TBCD: variants seen among roughly 807,000 people sequenced by gnomAD.
TBCD encodes tubulin-specific chaperone D.
A neutral mutation model predicts 169.3 loss-of-function variants in TBCD; 105 were observed. The observed-to-expected ratio is 0.62, with a 90% CI of 0.53 to 0.73. TBCD has a LOEUF of 0.73. Among genes scored for constraint, TBCD ranks in the 30% least tolerant of loss-of-function variants. The pLI is 0.00. For missense variants in TBCD, 1,444 were observed against 1,600.1 expected (o/e 0.90, Z 1.66); for synonymous variants, 700 against 643.9 (o/e 1.09, Z -1.32).
chr17:82,831,957 G>C lies in TBCD; in HGVS notation c.1318+17023G>C. 1 of 1,613,952 alleles carries C rather than the reference G, an allele frequency of 6.2e-7. No individual in the cohort carries two copies. The highest frequency in any genetic ancestry group is 8.5e-7 in the Non-Finnish European group (1 of 1,179,894). On this transcript the variant is annotated intron_variant, in intron 13 of 38. Transcript: ENST00000355528. The surrounding 1 kb of genome is among the most constrained non-coding windows in gnomAD (Gnocchi z 4.6). ...TGTCTGGCCCCTTGAGTCTGTGCTC[G>C]CCGACTGGAACAAATGCAGAAGGCC... is the stretch of plus-strand genomic sequence containing the variant.
chr17:82,888,513 T>C (rs908988871), intron 15 of TBCD, among the ~76,000 whole-genome samples: 38 of 152,270 alleles, frequency 2.5e-4, no homozygotes, highest in African/African-American at 8.9e-4. Flanking sequence ...ACTTTCCTAA[T>C]GAATTTATCA....
At position 82,832,462 on chromosome 17, in the gene TBCD, C is replaced by T; in HGVS notation, c.1318+17528C>T. The T allele has an allele frequency of 1.2e-6, 2 of 1,607,152 alleles. No homozygotes were observed. The highest frequency in any genetic ancestry group is 1.7e-6 in the Non-Finnish European group (2 of 1,179,414). ...CTCTTTGAGGAGACTCATTTTCCTCCTTATGCCTTGGACTCTGGCTGTCCA... is the reference window on the plus strand; with the variant it reads ...CTCTTTGAGGAGACTCATTTTCCTCTTTATGCCTTGGACTCTGGCTGTCCA... On this transcript the variant is annotated intron_variant, in intron 13 of 38. Coordinates refer to ENST00000355528, the MANE Select transcript of TBCD (RefSeq NM_005993.5). This position sits in a 1 kb window ranked among gnomAD's most constrained non-coding sequence, Gnocchi z 4.9.
chr17:82,805,043 C>T (rs1048338108), intron 9 of TBCD, among the ~76,000 whole-genome samples: 1 of 152,256 alleles, frequency 6.6e-6, no homozygotes, highest in African/African-American at 2.4e-5. Context: ...ACCTTTTCTG[C>T]ATGAGACCGG....
intron 6 of TBCD, among the ~76,000 whole-genome samples, chr17:82,775,406 T>G (rs1047082410): frequency 2.6e-5 from 4 of 152,180 alleles, no homozygotes; most frequent in Non-Finnish European, 5.9e-5. Flanking sequence ...GTTCTGAGTT[T>G]CCTGTACTTC....
intron 13 of TBCD, among the ~76,000 whole-genome samples, chr17:82,826,578 G>A: frequency 6.6e-6 from 1 of 152,014 alleles, no homozygotes. Context: ...CCATTGCTCA[G>A]CTAATTTTTG....
chr17:82,765,750 A>G (rs534799379), intron 3 of TBCD, among the ~76,000 whole-genome samples: 3 of 152,362 alleles, frequency 2.0e-5, no homozygotes, highest in African/African-American at 7.2e-5. Flanking sequence ...GAGGACAGTC[A>G]TATAAATGAA....
Position 82,768,390 on chromosome 17 carries a change from A to G in TBCD, c.436-30A>G, listed in dbSNP as rs756715045. On this transcript the variant is annotated intron_variant, in intron 4 of 38. Coordinates refer to ENST00000355528, the MANE Select transcript of TBCD (RefSeq NM_005993.5). The stretch of plus-strand genomic sequence containing the variant: ...CAGTGGCCTGTGATTTTCAAGCAAG[A>G]CTCATTCTTCCCGTGGTTTAATTTT... The G allele has an allele frequency of 1.9e-6, 3 of 1,612,708 alleles. No homozygotes were observed. The South Asian group carries it at 3.3e-5, about 18-fold the overall frequency.
Position 82,805,871 on chromosome 17 carries a change from A to C in TBCD, c.951-4A>C. 3 of 1,604,900 alleles carry C rather than the reference A, an allele frequency of 1.9e-6. No individual in the cohort carries two copies. Among genetic ancestry groups the C allele is most frequent in the Non-Finnish European group, 2.6e-6 (3 of 1,172,338 alleles). On this transcript the variant is annotated splice_polypyrimidine_tract_variant and splice_region_variant and intron_variant, in intron 9 of 38. Transcript: ENST00000355528. Reference sequence around the variant, plus strand: ...CTGATCTGAGGATGCTTTGCTTTGCACAGGTACCAGCGTGGCTGCCGATCT... The same window carrying C: ...CTGATCTGAGGATGCTTTGCTTTGCCCAGGTACCAGCGTGGCTGCCGATCT...
chr17:82,777,552 C>CG (rs957121048), intron 6 of TBCD, among the ~76,000 whole-genome samples: 46 of 152,260 alleles, frequency 3.0e-4, no homozygotes, highest in African/African-American at 5.8e-4. Flanking sequence ...GTCCACTGGA[C>CG]GGGGGGCCCT....
chr17:82,891,485 G>A (rs1009531663), intron 16 of TBCD, among the ~76,000 whole-genome samples: 3 of 152,212 alleles, frequency 2.0e-5, no homozygotes, highest in South Asian at 2.1e-4. Flanking sequence ...AATGCAAGAC[G>A]CGCAGGTGCG....
At chr17:82,929,937 C>T (rs1295075826) in intron 32 of TBCD, 2 of 326,864 alleles carry the variant, frequency 6.1e-6, no homozygotes, top group African/African-American at 4.2e-5. Context: ...AGCTGTGGAA[C>T]TTGAAGGCCT....
intron 1 of TBCD, 140 bp downstream of exon 1, chr17:82,752,517 G>C (rs2047153474): frequency 1.5e-6 from 1 of 674,824 alleles, no homozygotes; most frequent in Non-Finnish European, 1.9e-6. Context: ...CGCGGGCCGT[G>C]GTGGGGCGCG....
At chr17:82,856,179 G>C (rs1370945371) in intron 13 of TBCD, among the ~76,000 whole-genome samples, 6 of 151,642 alleles carry the variant, frequency 4.0e-5, no homozygotes, top group Non-Finnish European at 8.8e-5. Context: ...AAACATGTCA[G>C]TGAAGTAAAT....
chr17:82,807,265 C>T (rs1490781313), intron 10 of TBCD, among the ~76,000 whole-genome samples: 1 of 152,240 alleles, frequency 6.6e-6, no homozygotes, highest in African/African-American at 2.4e-5. Flanking sequence ...TCTCTGGAAG[C>T]TTCCCAGCCC....
rs907980667 is a variant in TBCD, at chr17:82,930,717, G to C, written c.3113+74G>C. ...TCTCACCACGTTCCCACAGATTCCC[G>C]GGGTCTCGCAGGGTCTGTCTGGGGT... On this transcript the variant is annotated intron_variant, in intron 33 of 38. Transcript: ENST00000355528. The surrounding 1 kb of genome is among the most constrained non-coding windows in gnomAD (Gnocchi z 5.2). The C allele has an allele frequency of 6.2e-7, 1 of 1,601,252 alleles. No homozygotes were observed. The highest frequency in any genetic ancestry group is 1.3e-5 in the African/African-American group (1 of 74,716).
At chr17:82,815,136 A>T (rs1183083316) in intron 13 of TBCD, among the ~76,000 whole-genome samples, 2 of 152,178 alleles carry the variant, frequency 1.3e-5, no homozygotes, top group Admixed American at 1.3e-4. Flanking sequence ...CGCCCAGAAG[A>T]GCTTGAGAAC....
chr17:82,753,607 C>T (rs577979894), intron 1 of TBCD, among the ~76,000 whole-genome samples: 5 of 151,726 alleles, frequency 3.3e-5, no homozygotes, highest in South Asian at 4.2e-4. Context: ...CAGGCGCGCG[C>T]CACCACGCCC....
At chr17:82,756,262 A>G (rs1266995752) in intron 2 of TBCD, 47 bp downstream of exon 2, 1 of 1,563,612 alleles carries the variant, frequency 6.4e-7, no homozygotes, top group Non-Finnish European at 8.7e-7. Flanking sequence ...ACAGATGACC[A>G]CGGAGGCCTT....
chr17:82,819,871 A>G (rs1185094759), intron 13 of TBCD, among the ~76,000 whole-genome samples: 2 of 150,798 alleles, frequency 1.3e-5, no homozygotes, highest in Non-Finnish European at 3.0e-5. Context: ...GGAGGTGGGC[A>G]CTCCTCACCA....
Sources: allele counts gnomAD v4.1 joint callset (sites outside exome capture counted in the v4.1 genomes callset), GRCh38; gene constraint gnomAD v4.1.1; non-coding constraint Gnocchi (gnomAD v3.1); transcripts MANE v1.5; gene names NCBI Gene and HGNC (gene_info 2026-07-23, HGNC 2026-07-21).